Variants in SNTB1 observed in about 807,000 individuals in gnomAD.
The protein encoded by SNTB1 is beta-1-syntrophin.
A neutral mutation model predicts 48.9 loss-of-function variants in SNTB1; 36 were observed. The observed-to-expected ratio is 0.74, with a 90% CI of 0.56 to 0.97. The LOEUF is 0.97. Ranked by LOEUF, SNTB1 falls within the 50% of genes least tolerant of loss-of-function variation. The pLI is 0.00. For synonymous variants in SNTB1, 299 were observed against 294.6 expected, an observed-to-expected ratio of 1.01 and a Z score of -0.15; for missense variants, 786 against 703.4, an observed-to-expected ratio of 1.12 and a Z score of -1.33.
At chr8:120,613,363 A>AAT (rs369711634) in intron 3 of SNTB1, among the ~76,000 whole-genome samples, 56 of 151,506 alleles carry the variant, frequency 3.7e-4, no homozygotes, top group African/African-American at 1.3e-3. Context: ...AAAAAAAAAA[A>AAT]GTTGATTGCA....
At chr8:120,659,185 A>G (rs1817547218) in intron 2 of SNTB1, among the ~76,000 whole-genome samples, 1 of 152,158 alleles carries the variant, frequency 6.6e-6, no homozygotes, top group African/African-American at 2.4e-5. Context: ...GCTGGTCTCA[A>G]ACTCCTGAAC....
intron 2 of SNTB1, among the ~76,000 whole-genome samples, chr8:120,693,097 G>T (rs1331525772): frequency 6.6e-6 from 1 of 152,098 alleles, no homozygotes; most frequent in Non-Finnish European, 1.5e-5. Context: ...AAAGAGCAGG[G>T]AGGTATTTCA....
chr8:120,618,282 T>G (rs1376484774), intron 3 of SNTB1, among the ~76,000 whole-genome samples: 1 of 152,236 alleles, frequency 6.6e-6, no homozygotes, highest in Non-Finnish European at 1.5e-5. Flanking sequence ...GTGAGTTCCC[T>G]GAGAATATCT....
At chr8:120,572,321 T>C (rs1490400323) in intron 4 of SNTB1, among the ~76,000 whole-genome samples, 1 of 152,194 alleles carries the variant, frequency 6.6e-6, no homozygotes, top group African/African-American at 2.4e-5. Context: ...GTTCAATAAT[T>C]CATTCAACAG....
chr8:120,589,348 C>A (rs1365823560), intron 3 of SNTB1, among the ~76,000 whole-genome samples: 2 of 152,208 alleles, frequency 1.3e-5, no homozygotes, highest in Non-Finnish European at 2.9e-5. Context: ...TCCTCCTCCT[C>A]ATTTCTTTCT....
chr8:120,568,190 G>A (rs997057126), intron 4 of SNTB1, among the ~76,000 whole-genome samples: 5 of 152,114 alleles, frequency 3.3e-5, no homozygotes, highest in African/African-American at 1.2e-4. Flanking sequence ...GAAACCAACA[G>A]CATCAGCCCA....
At chr8:120,556,367 T>C (rs1243951688) in intron 4 of SNTB1, among the ~76,000 whole-genome samples, 1 of 152,140 alleles carries the variant, frequency 6.6e-6, no homozygotes, top group Non-Finnish European at 1.5e-5. Flanking sequence ...GAATCTGAAC[T>C]TTCAGGAAAA....
chr8:120,797,426 A>G (rs779963286), intron 1 of SNTB1, among the ~76,000 whole-genome samples: 1 of 152,036 alleles, frequency 6.6e-6, no homozygotes, highest in South Asian at 2.1e-4. Flanking sequence ...TTGATATTCA[A>G]TCAGGAGTTG....
chr8:120,717,677 A>T (rs967660357), intron 1 of SNTB1, among the ~76,000 whole-genome samples: 1 of 152,082 alleles, frequency 6.6e-6, no homozygotes, highest in African/African-American at 2.4e-5. Flanking sequence ...CCTGGCACAG[A>T]TGGGAAATGG....
In SNTB1 at chr8:120,672,253, A is replaced by T. The variant is rs371235084; in HGVS notation, c.788+21439T>A. Among the ~76,000 whole-genome samples, 4 of 152,216 alleles carry T rather than the reference A, an allele frequency of 2.6e-5. No homozygotes were observed. The East Asian group carries it at 7.7e-4, about 29-fold the overall frequency. On this transcript the variant is annotated intron_variant, in intron 2 of 6. Coordinates refer to ENST00000517992, the MANE Select transcript of SNTB1 (RefSeq NM_021021.4). ...GTCAACTTATGATGGGCTTATCAGG[A>T]TGTAACCCCATGTAAGTTGAGGAGC...
intron 1 of SNTB1, among the ~76,000 whole-genome samples, chr8:120,705,375 A>G (rs1818364495): frequency 2.0e-5 from 3 of 152,240 alleles, no homozygotes; most frequent in Non-Finnish European, 4.4e-5. Context: ...GTACACTACA[A>G]TTATTAGAAG....
intron 4 of SNTB1, among the ~76,000 whole-genome samples, chr8:120,565,642 AG>A (rs1256421821): frequency 6.6e-6 from 1 of 152,230 alleles, no homozygotes. Flanking sequence ...TCACTCTGTG[AG>A]GGCCGGGACC....
intron 1 of SNTB1, among the ~76,000 whole-genome samples, chr8:120,760,073 T>C (rs1352776179): frequency 6.6e-6 from 1 of 152,178 alleles, no homozygotes; most frequent in Non-Finnish European, 1.5e-5. Context: ...AATGGCCATG[T>C]TTTAACAGAA....
chr8:120,713,116 C>T (rs1818492865), intron 1 of SNTB1, among the ~76,000 whole-genome samples: 1 of 152,138 alleles, frequency 6.6e-6, no homozygotes, highest in South Asian at 2.1e-4. Flanking sequence ...TTACGATCAT[C>T]TGGGTTGAGG....
chr8:120,763,249 T>C (rs2130072551), intron 1 of SNTB1, among the ~76,000 whole-genome samples: 1 of 152,328 alleles, frequency 6.6e-6, no homozygotes, highest in South Asian at 2.1e-4. Context: ...AAATTTCTTC[T>C]TGGAAAGTAG....
chr8:120,578,904 AG>A (rs1200836516), intron 3 of SNTB1, among the ~76,000 whole-genome samples: 34 of 152,234 alleles, frequency 2.2e-4, no homozygotes, highest in African/African-American at 7.5e-4. Context: ...TGGACGGGCG[AG>A]GTAGCTCAGG....
intron 1 of SNTB1, among the ~76,000 whole-genome samples, chr8:120,731,473 C>A (rs2129977827): frequency 6.6e-6 from 1 of 152,308 alleles, no homozygotes; most frequent in East Asian, 1.9e-4. Context: ...AATATCACCT[C>A]TCTGGGTCAG....
At chr8:120,728,145 C>A (rs1460145043) in intron 1 of SNTB1, among the ~76,000 whole-genome samples, 1 of 152,122 alleles carries the variant, frequency 6.6e-6, no homozygotes, top group East Asian at 1.9e-4. Context: ...CCCACCCCAG[C>A]CTTCTGAGTA....
At chr8:120,541,746 C>T (rs576669486) in intron 6 of SNTB1, 64 bp downstream of exon 6, 2 of 1,224,288 alleles carry the variant, frequency 1.6e-6, no homozygotes, top group Non-Finnish European at 2.3e-6. Context: ...AGTAAGGCAG[C>T]ATTATGTTGC....
Sources: allele counts gnomAD v4.1 joint callset (sites outside exome capture counted in the v4.1 genomes callset), GRCh38; gene constraint gnomAD v4.1.1; transcripts MANE v1.5; gene names NCBI Gene and HGNC (gene_info 2026-07-23, HGNC 2026-07-21).